RPH3AL: variants seen among roughly 807,000 people sequenced by gnomAD.
RPH3AL encodes rabphilin 3A like (without C2 domains), also known as rab effector Noc2.
In RPH3AL, 38 loss-of-function variants were observed where a neutral mutation model predicts 43.1. The observed-to-expected ratio is 0.88, with a 90% CI of 0.68 to 1.15. RPH3AL has a LOEUF of 1.15. Ranked by LOEUF, RPH3AL falls within the 50% of genes most tolerant of loss-of-function variation. RPH3AL has a pLI of 0.00. For missense variants in RPH3AL, 462 were observed against 423.2 expected (o/e 1.09, Z -0.81); for synonymous variants, 189 against 176.3 (o/e 1.07, Z -0.57).
intron 5 of RPH3AL, among the ~76,000 whole-genome samples, chr17:297,572 C>A (rs1192021884): frequency 6.6e-6 from 1 of 152,234 alleles, no homozygotes; most frequent in African/African-American, 2.4e-5. Context: ...GAGAAATCCA[C>A]ACACATCTTG....
intron 6 of RPH3AL, among the ~76,000 whole-genome samples, chr17:266,498 C>T (rs1285720112): frequency 2.0e-5 from 3 of 152,200 alleles, no homozygotes; most frequent in South Asian, 2.1e-4. Context: ...TCAGAAGATG[C>T]GCTGGAAATC....
intron 7 of RPH3AL, among the ~76,000 whole-genome samples, chr17:223,241 A>G (rs867315356): frequency 2.6e-5 from 4 of 152,174 alleles, no homozygotes; most frequent in Admixed American, 6.5e-5. Flanking sequence ...TCATGAAACA[A>G]TTGTCTCTTT....
rs72806029 is a variant in RPH3AL, at chr17:289,459, C to T, written c.352-7605G>A. On this transcript the variant is annotated intron_variant, in intron 5 of 9. Coordinates refer to ENST00000331302, the MANE Select transcript of RPH3AL (RefSeq NM_006987.4). This position sits in a 1 kb window ranked among gnomAD's most constrained non-coding sequence, Gnocchi z 5.2. The stretch of plus-strand genomic sequence containing the variant: ...CCCTGATCTCTGCTGCCACCGCCCA[C>T]GCCCACACCAAGGCCGCCCAGCAGA... Among the ~76,000 whole-genome samples, 8,625 of 152,244 alleles carry T rather than the reference C, an allele frequency of 0.057. 300 individuals are homozygous for T. The highest frequency in any genetic ancestry group is 0.079 in the Non-Finnish European group (5,381 of 67,986).
At chr17:234,832 T>C (rs189737189) in intron 7 of RPH3AL, among the ~76,000 whole-genome samples, 61 of 152,064 alleles carry the variant, frequency 4.0e-4, no homozygotes, top group Non-Finnish European at 7.8e-4. Context: ...AGGCTGAGCT[T>C]CCAAAATGCA....
intron 5 of RPH3AL, among the ~76,000 whole-genome samples, chr17:314,483 A>C (rs2043794839): frequency 7.6e-6 from 1 of 131,528 alleles, no homozygotes; most frequent in Non-Finnish European, 1.6e-5. Context: ...ACCTCCATTG[A>C]CCTGTAGTCC....
intron 5 of RPH3AL, among the ~76,000 whole-genome samples, chr17:288,031 T>A (rs868615228): frequency 1.7e-3 from 1 of 606 alleles, no homozygotes; most frequent in African/African-American, 1.8e-3. Context: ...CAGACCTCAC[T>A]CCCTCTCTCC....
At chr17:348,879 TTTA>T (rs751583319) in intron 1 of RPH3AL, 2 of 152,178 alleles carry the variant, frequency 1.3e-5, no homozygotes, top group Non-Finnish European at 2.9e-5. Context: ...GGAATCTGTG[TTTA>T]TTTCTTTGTT....
In RPH3AL at chr17:273,620, A is replaced by T. The variant is rs12947116; in HGVS notation, c.438+8148T>A. Among the ~76,000 whole-genome samples, 224 of 47,524 alleles carry T rather than the reference A, an allele frequency of 4.7e-3. 76 individuals carry two copies. Among genetic ancestry groups the T allele is most frequent in the African/African-American group, 0.013 (165 of 13,200 alleles). 31.2% of individuals were successfully genotyped at this position (47,524 alleles called of 152,430 possible). On this transcript the variant is annotated intron_variant, in intron 6 of 9. Coordinates refer to ENST00000331302, the MANE Select transcript of RPH3AL (RefSeq NM_006987.4). ...GAGGGCGACGTCAGGAAGAGACCCC[A>T]GCGAGGGCGACGTCGGGGATATCCA...
chr17:230,262 G>A (rs1469660289), intron 7 of RPH3AL, among the ~76,000 whole-genome samples: 1 of 152,204 alleles, frequency 6.6e-6, no homozygotes, highest in African/African-American at 2.4e-5. Context: ...AGATAACGAA[G>A]ACAAATCCTC....
rs186067684 is a variant in RPH3AL, at chr17:213,981, C to T, written c.877-58G>A. The T allele has an allele frequency of 5.6e-4, 740 of 1,331,770 alleles. 2 individuals carry two copies. In the African/African-American group the frequency reaches 7.3e-3, roughly 13 times the overall value. The allele number at this position is 1,331,770 out of a possible 1,614,324, so 82.5% of individuals were successfully genotyped here. On this transcript the variant is annotated intron_variant, in intron 9 of 9. Coordinates refer to ENST00000331302, the MANE Select transcript of RPH3AL (RefSeq NM_006987.4). ...AGCAGCGGTGGAGTCCCTCCCTCCCCGGTGACAGCTCGGCCTTTGGGAATG... is the reference window on the plus strand; with the variant it reads ...AGCAGCGGTGGAGTCCCTCCCTCCCTGGTGACAGCTCGGCCTTTGGGAATG...
chr17:349,852 A>G (rs1012799059), intron 1 of RPH3AL, among the ~76,000 whole-genome samples: 5 of 152,114 alleles, frequency 3.3e-5, no homozygotes, highest in Non-Finnish European at 5.9e-5. Flanking sequence ...CACCTTATCT[A>G]TATCATCACT....
At chr17:253,527 T>C (rs1178011606) in intron 6 of RPH3AL, among the ~76,000 whole-genome samples, 2 of 152,162 alleles carry the variant, frequency 1.3e-5, no homozygotes, top group Non-Finnish European at 2.9e-5. Context: ...ATGTTTCCAT[T>C]GTATTAAAGT....
intron 5 of RPH3AL, among the ~76,000 whole-genome samples, chr17:299,990 C>A (rs139397157): frequency 7.6e-4 from 95 of 124,760 alleles, no homozygotes; most frequent in African/African-American, 2.7e-3. Context: ...CCCGCTCTAG[C>A]AGGGGCTGGC....
intron 7 of RPH3AL, among the ~76,000 whole-genome samples, chr17:237,054 T>G (rs1597902987): frequency 6.6e-6 from 1 of 152,112 alleles, no homozygotes; most frequent in African/African-American, 2.4e-5. Context: ...CTGGGGCTAG[T>G]ACAGCTCGGA....
chr17:260,240 C>T (rs1046225152), intron 6 of RPH3AL, among the ~76,000 whole-genome samples: 13 of 152,224 alleles, frequency 8.5e-5, no homozygotes, highest in African/African-American at 3.1e-4. Context: ...CCCCGGAGGG[C>T]TTCAGTGGGT....
intron 5 of RPH3AL, among the ~76,000 whole-genome samples, chr17:304,521 C>T (rs576023467): frequency 6.6e-6 from 1 of 152,258 alleles, no homozygotes; most frequent in South Asian, 2.1e-4. Context: ...GAGGCTGGTA[C>T]CCCAGGCCAC....
rs981190758 is a variant in RPH3AL at position 306,214 on chromosome 17, C to G, written c.351+13206G>C. On this transcript the variant is annotated intron_variant, in intron 5 of 9. Coordinates refer to ENST00000331302, the MANE Select transcript of RPH3AL (RefSeq NM_006987.4). ...GGGATCCAGCCTGGACTACCTGGAA[C>G]ACATACCCAGCCCCCCTGGAACCCC... is the stretch of plus-strand genomic sequence containing the variant. 2.0e-5 allele frequency among the ~76,000 whole-genome samples: 3 copies of G among 151,848 alleles called. No homozygotes were observed. In the East Asian group the frequency reaches 5.8e-4, roughly 29 times the overall value.
chr17:272,434 G>A (rs1410701711), intron 6 of RPH3AL, among the ~76,000 whole-genome samples: 2 of 151,830 alleles, frequency 1.3e-5, no homozygotes, highest in Non-Finnish European at 2.9e-5. Flanking sequence ...CATAAAAAAG[G>A]ATGAGTTCAT....
chr17:267,293 G>A (rs1309296697), intron 6 of RPH3AL, among the ~76,000 whole-genome samples: 3 of 152,242 alleles, frequency 2.0e-5, no homozygotes, highest in Non-Finnish European at 4.4e-5. Flanking sequence ...CCCCAGTACT[G>A]AGGCTGCTCT....
Sources: allele counts gnomAD v4.1 joint callset (sites outside exome capture counted in the v4.1 genomes callset), GRCh38; gene constraint gnomAD v4.1.1; non-coding constraint Gnocchi (gnomAD v3.1); transcripts MANE v1.5; gene names NCBI Gene and HGNC (gene_info 2026-07-23, HGNC 2026-07-21).